Variants in KBTBD12 observed in about 807,000 individuals in gnomAD.
KBTBD12 encodes kelch repeat and BTB domain containing 12, also known as kelch repeat and BTB domain-containing protein 12.
In KBTBD12, 53 loss-of-function variants were observed where a neutral mutation model predicts 58.7. That is an observed-to-expected ratio of 0.90 (90% CI 0.72 to 1.14). The LOEUF (loss-of-function observed/expected upper bound fraction) is 1.14. Ranked by LOEUF, KBTBD12 falls within the 50% of genes most tolerant of loss-of-function variation. The probability of loss-of-function intolerance (pLI) is 0.00; values close to 1 mark genes in which losing one functional copy is unlikely to be tolerated. For missense variants in KBTBD12, 704 were observed against 751.3 expected (o/e 0.94, Z 0.74); for synonymous variants, 236 against 259.8 (o/e 0.91, Z 0.88).
In KBTBD12 at chr3:127,927,984, G is replaced by A; in HGVS notation, c.1291G>A (p.Val431Ile). Residue 431 changes from valine to isoleucine, a missense_variant, in exon 3 of 6, where the codon GTA (valine) becomes ATA (isoleucine). Transcript: ENST00000405109. ...PLPLQLACHAVVTVNNKLYVI... is the reference protein window; with the variant it reads ...PLPLQLACHAIVTVNNKLYVI... ...TCCACTGCAATTGGCATGTCATGCT[G>A]TAGTGACAGTGAATAATAAACTTTA... 1 of 1,613,404 alleles carries A rather than the reference G, an allele frequency of 6.2e-7. No individual in the cohort carries two copies. Among genetic ancestry groups the A allele is most frequent in the Non-Finnish European group, 8.5e-7 (1 of 1,179,510 alleles).
At chr3:127,947,429 C>T (rs774361986) in intron 4 of KBTBD12, among the ~76,000 whole-genome samples, 11 of 152,174 alleles carry the variant, frequency 7.2e-5, no homozygotes, top group Non-Finnish European at 1.0e-4. Flanking sequence ...TCTCCTCTAT[C>T]CTGGAAGACT....
At chr3:127,969,284 A>C (rs1181012636) in intron 5 of KBTBD12, among the ~76,000 whole-genome samples, 2 of 152,218 alleles carry the variant, frequency 1.3e-5, no homozygotes, top group African/African-American at 2.4e-5. Flanking sequence ...ACTTACAATG[A>C]ACAATTAAAA....
chr3:127,927,125 A>G (rs1274016935), intron 2 of KBTBD12, among the ~76,000 whole-genome samples: 1 of 152,120 alleles, frequency 6.6e-6, no homozygotes, highest in African/African-American at 2.4e-5. Context: ...TTAGAGTGAT[A>G]CTCTGGAAGA....
chr3:127,916,839 G>A (rs190339486), intron 1 of KBTBD12, among the ~76,000 whole-genome samples: 2 of 152,252 alleles, frequency 1.3e-5, no homozygotes, highest in Admixed American at 6.5e-5. Flanking sequence ...TTTTGAGGGT[G>A]CAAGTGAAAA....
In KBTBD12 at chr3:127,956,461, CAA is replaced by C. The variant is rs11367870; in HGVS notation, c.1493-6714_1493-6713del. Among the ~76,000 whole-genome samples the C allele has an allele frequency of 7.8e-3, 813 of 104,284 alleles. 6 individuals carry two copies. Among genetic ancestry groups the C allele is most frequent in the African/African-American group, 0.026 (753 of 28,872 alleles). The allele number at this position is 104,284 out of a possible 152,430, so 68.4% of individuals were successfully genotyped here. ...CAGCAGACTCTGAGTGTCTTATGGA[CAA>C]AAAAAAAAAAAAATCCTCAAACTTG... On this transcript the variant is annotated intron_variant, in intron 4 of 5. Transcript: ENST00000405109.
intron 4 of KBTBD12, among the ~76,000 whole-genome samples, chr3:127,933,003 G>C (rs1326461764): frequency 1.3e-5 from 2 of 152,082 alleles, no homozygotes; most frequent in Non-Finnish European, 2.9e-5. Flanking sequence ...TTTAAGATCT[G>C]ACATGCCGGT....
At chr3:127,983,076 T>C (rs1485895530) in intron 5 of KBTBD12, among the ~76,000 whole-genome samples, 1 of 152,242 alleles carries the variant, frequency 6.6e-6, no homozygotes, top group Admixed American at 6.5e-5. Context: ...CTTGTTCACA[T>C]CATTGCTAAA....
At chr3:127,937,248 C>CAAAT (rs1320699635) in intron 4 of KBTBD12, among the ~76,000 whole-genome samples, 2 of 151,862 alleles carry the variant, frequency 1.3e-5, no homozygotes, top group Non-Finnish European at 1.5e-5. Flanking sequence ...AAGTGTCAGA[C>CAAAT]AAATAGTGTG....
At chr3:127,918,539 C>T (rs1939313619) in intron 1 of KBTBD12, among the ~76,000 whole-genome samples, 1 of 151,980 alleles carries the variant, frequency 6.6e-6, no homozygotes, top group Admixed American at 6.5e-5. Flanking sequence ...GGTGAAACCC[C>T]GTCTCTACTA....
intron 4 of KBTBD12, among the ~76,000 whole-genome samples, chr3:127,942,680 C>CTATATATAACTA (rs906774946): frequency 5.5e-5 from 8 of 145,926 alleles, no homozygotes; most frequent in East Asian, 2.0e-4. Context: ...ATATATACAA[C>CTATATATAACTA]TATATATAAC....
At chr3:127,930,358 G>T in intron 4 of KBTBD12, 75 bp downstream of exon 4, 1 of 1,311,652 alleles carries the variant, frequency 7.6e-7, no homozygotes. Flanking sequence ...AAAATGAAAC[G>T]TTCTCCTTTG....
intron 4 of KBTBD12, among the ~76,000 whole-genome samples, chr3:127,947,096 C>G (rs1409495497): frequency 2.0e-5 from 3 of 152,088 alleles, no homozygotes; most frequent in African/African-American, 7.2e-5. Context: ...TTGGATAGTT[C>G]ACAAGTCTGC....
chr3:127,966,961 A>G (rs1358251612), intron 5 of KBTBD12, among the ~76,000 whole-genome samples: 1 of 152,258 alleles, frequency 6.6e-6, no homozygotes, highest in Non-Finnish European at 1.5e-5. Context: ...CTAAATTTCT[A>G]TGGGAAAATT....
intron 1 of KBTBD12, among the ~76,000 whole-genome samples, chr3:127,920,741 T>C (rs985647801): frequency 2.0e-5 from 3 of 151,476 alleles, no homozygotes; most frequent in African/African-American, 4.9e-5. Context: ...AAATGAAATA[T>C]AGTGGACAGG....
chr3:127,923,493 A>C lies in KBTBD12; in HGVS notation c.432A>C (p.Gly144=). 1 of 1,611,050 alleles carries C rather than the reference A, an allele frequency of 6.2e-7. No homozygotes were observed. Residue 144 remains glycine, a synonymous_variant, in exon 2 of 6, where the codon GGA becomes GGC. Transcript: ENST00000405109. ...TCTATTATTTTGCAAAGCAGATTGG[A>C]GCTGAAGATTTATCTGATCGATCAA... is the stretch of plus-strand genomic sequence containing the variant. The part of the protein sequence containing the change: ...LGIYYFAKQI[G]AEDLSDRSKK...
chr3:127,942,293 G>A (rs1939970293), intron 4 of KBTBD12, among the ~76,000 whole-genome samples: 1 of 152,082 alleles, frequency 6.6e-6, no homozygotes, highest in Non-Finnish European at 1.5e-5. Flanking sequence ...TATGTGCGGT[G>A]GGAGTACCTG....
At chr3:127,919,210 TTTTTCCGAGACACGGTCTCGGAAA>T in intron 1 of KBTBD12, among the ~76,000 whole-genome samples, 1 of 152,268 alleles carries the variant, frequency 6.6e-6, no homozygotes, top group Non-Finnish European at 1.5e-5. Context: ...GAATTTTTTT[TTTTTCCGAGACACGGTCTCGGAAA>T]TAGCAAAAAT....
At position 127,985,340 on chromosome 3, in the gene KBTBD12, C is replaced by T. The variant is rs1940947040; in HGVS notation, c.*1062C>T. On this transcript the variant is annotated 3_prime_UTR_variant, in exon 6 of 6. Transcript: ENST00000405109. ...CCCACAATTGAGCATAATCAGAAGA[C>T]AGTCACTCCCAAAATATATGTTAGA... 1 of 152,226 alleles carries T rather than the reference C, an allele frequency of 6.6e-6. No homozygotes were observed. Among genetic ancestry groups the T allele is most frequent in the Admixed American group, 6.5e-5 (1 of 15,274 alleles). The allele number at this position is 152,226 out of a possible 1,614,324, so 9.4% of individuals were successfully genotyped here.
At chr3:127,956,039 A>T (rs1037374661) in intron 4 of KBTBD12, among the ~76,000 whole-genome samples, 1 of 152,250 alleles carries the variant, frequency 6.6e-6, no homozygotes, top group African/African-American at 2.4e-5. Context: ...TGGCCAAAGA[A>T]GTCAGACAAG....
Sources: gnomAD v4.1 joint callset for allele counts (sites outside exome capture counted in the v4.1 genomes callset) on GRCh38, gnomAD v4.1.1 for gene constraint, MANE v1.5 for transcripts, NCBI Gene and HGNC (gene_info 2026-07-23, HGNC 2026-07-21) for gene names.